Variants in GALNT11 observed in about 807,000 individuals in gnomAD.
GALNT11 encodes polypeptide N-acetylgalactosaminyltransferase 11.
A neutral mutation model predicts 72.7 loss-of-function variants in GALNT11; 47 were observed. That is an observed-to-expected ratio of 0.65 (90% CI 0.51 to 0.82). The LOEUF (loss-of-function observed/expected upper bound fraction) is 0.82. Ranked by LOEUF, GALNT11 falls within the 40% of genes least tolerant of loss-of-function variation. The pLI is 0.00. For synonymous variants in GALNT11, 270 were observed against 286.6 expected, an observed-to-expected ratio of 0.94 and a Z score of 0.58; for missense variants, 677 against 778.4, an observed-to-expected ratio of 0.87 and a Z score of 1.55.
intron 1 of GALNT11, among the ~76,000 whole-genome samples, chr7:152,028,987 C>A (rs1269002077): frequency 1.3e-5 from 2 of 152,160 alleles, no homozygotes; most frequent in Non-Finnish European, 2.9e-5. Flanking sequence ...AAGATGGCTG[C>A]CACAGGACCT....
At chr7:152,041,629 G>A (rs544280579) in intron 1 of GALNT11, among the ~76,000 whole-genome samples, 95 of 152,292 alleles carry the variant, frequency 6.2e-4, no homozygotes, top group African/African-American at 2.3e-3. Flanking sequence ...TTCTATTTGA[G>A]CTTTATGGAC....
chr7:152,117,319 C>A lies in GALNT11; in HGVS notation c.1396C>A (p.Gln466Lys), dbSNP rs2088959385. The A allele has an allele frequency of 6.2e-7, 1 of 1,614,176 alleles. No homozygotes were observed. ...QISGSHAKPQ[Q>K]PIFVNRGPKR... The stretch of plus-strand genomic sequence containing the variant: ...ATCTGGGTCCCACGCCAAACCCCAA[C>A]AACCCATTTTTGTCAATAGAGGGCC... The change falls in exon 9 of 12, where the codon CAA becomes AAA. Residue 466 changes from glutamine (Q) to lysine (K), a missense_variant. Physicochemically the swap from Gln to Lys is moderately conservative, Grantham distance 53 (BLOSUM62 1). Transcript: ENST00000430044.
At chr7:152,116,000 G>A (rs182578969) in intron 8 of GALNT11, among the ~76,000 whole-genome samples, 1 of 152,266 alleles carries the variant, frequency 6.6e-6, no homozygotes, top group Admixed American at 6.5e-5. Context: ...AGGTTGTGGT[G>A]TGCCGAGATC....
intron 10 of GALNT11, 119 bp downstream of exon 10, chr7:152,118,901 T>C (rs2089153405): frequency 2.8e-6 from 2 of 718,556 alleles, no homozygotes; most frequent in African/African-American, 3.7e-5. Context: ...TCTTAACCCA[T>C]TTCTGTGTAG....
intron 1 of GALNT11, among the ~76,000 whole-genome samples, chr7:152,058,049 A>G (rs373350579): frequency 7.2e-5 from 11 of 152,166 alleles, no homozygotes; most frequent in African/African-American, 2.7e-4. Context: ...AGCCACTGCA[A>G]TAAAGGGACT....
At chr7:152,063,147 G>C (rs781716698) in intron 1 of GALNT11, among the ~76,000 whole-genome samples, 1 of 152,184 alleles carries the variant, frequency 6.6e-6, no homozygotes. Context: ...TTCAGAGCCT[G>C]TTATTTTCCT....
intron 1 of GALNT11, among the ~76,000 whole-genome samples, chr7:152,089,255 G>A (rs2085849872): frequency 6.6e-6 from 1 of 152,158 alleles, no homozygotes; most frequent in South Asian, 2.1e-4. Context: ...TCACAAGCCT[G>A]GGTAGGATCT....
chr7:152,063,204 G>A (rs1048429239), intron 1 of GALNT11, among the ~76,000 whole-genome samples: 1 of 152,188 alleles, frequency 6.6e-6, no homozygotes, highest in Admixed American at 6.5e-5. Flanking sequence ...GAGGGTGTAT[G>A]TGTCCAGGAA....
chr7:152,060,919 T>C (rs2083972432), intron 1 of GALNT11, among the ~76,000 whole-genome samples: 1 of 152,214 alleles, frequency 6.6e-6, no homozygotes, highest in South Asian at 2.1e-4. Flanking sequence ...TTGTGAATAG[T>C]GACACAATAA....
At chr7:152,071,298 T>C (rs1384454309) in intron 1 of GALNT11, among the ~76,000 whole-genome samples, 1 of 152,196 alleles carries the variant, frequency 6.6e-6, no homozygotes, top group Non-Finnish European at 1.5e-5. Flanking sequence ...GGGTGCTGTT[T>C]ATAAGCGTAT....
In GALNT11 at chr7:152,113,712, C is replaced by CT. The variant is rs6150397; in HGVS notation, c.1233+356dup. On this transcript the variant is annotated intron_variant, in intron 8 of 11. Coordinates refer to ENST00000430044, the MANE Select transcript of GALNT11 (RefSeq NM_022087.4). Reference sequence around the variant, plus strand: ...TGTGACGCCTGCAAAAGTTGGCTTTCTTTTTTTTTTTTTTTTTTTTTTTTT... The same window carrying CT: ...TGTGACGCCTGCAAAAGTTGGCTTTCTTTTTTTTTTTTTTTTTTTTTTTTTT... 6.2e-4 allele frequency among the ~76,000 whole-genome samples: 60 copies of CT among 97,016 alleles called. 4 individuals are homozygous for CT. The highest frequency in any genetic ancestry group is 7.5e-4 in the Non-Finnish European group (37 of 49,510). 63.6% of individuals were successfully genotyped at this position (97,016 alleles called of 152,430 possible).
chr7:152,094,076 C>G lies in GALNT11; in HGVS notation c.-38-114C>G, dbSNP rs931469266. 4.9e-6 allele frequency: 4 copies of G among 822,002 alleles called. No homozygotes were observed. The highest frequency in any genetic ancestry group is 1.7e-5 in the African/African-American group (1 of 58,514). The allele number at this position is 822,002 out of a possible 1,614,324, so 50.9% of individuals were successfully genotyped here. On this transcript the variant is annotated intron_variant, in intron 1 of 11. Coordinates refer to ENST00000430044, the MANE Select transcript of GALNT11 (RefSeq NM_022087.4). The surrounding 1 kb of genome is among the most constrained non-coding windows in gnomAD (Gnocchi z 4.3). Reference sequence around the variant, plus strand: ...ATACATCTTCTTGTATTTGAATATCCGTTAACTGTACGCATAGTGGTCCTA... The same window carrying G: ...ATACATCTTCTTGTATTTGAATATCGGTTAACTGTACGCATAGTGGTCCTA...
chr7:152,118,223 T>C (rs1400866993), intron 9 of GALNT11: 1 of 178,050 alleles, frequency 5.6e-6, no homozygotes, highest in Non-Finnish European at 1.2e-5. Context: ...CTTACCATTA[T>C]TATTTCTTGC....
chr7:152,111,855 C>T (rs919269737), intron 7 of GALNT11, among the ~76,000 whole-genome samples: 1 of 152,134 alleles, frequency 6.6e-6, no homozygotes, highest in Admixed American at 6.6e-5. Context: ...AAATAAATAG[C>T]TTCCCATTGT....
At chr7:152,057,346 GC>G (rs1358826357) in intron 1 of GALNT11, among the ~76,000 whole-genome samples, 2 of 135,914 alleles carry the variant, frequency 1.5e-5, no homozygotes, top group Admixed American at 7.8e-5. Flanking sequence ...TCACTCTGTT[GC>G]CCAGGCTGGA....
At chr7:152,087,792 G>T (rs917188530) in intron 1 of GALNT11, among the ~76,000 whole-genome samples, 3 of 152,160 alleles carry the variant, frequency 2.0e-5, no homozygotes, top group African/African-American at 7.2e-5. Flanking sequence ...CATTGTATCT[G>T]ACACTTTACA....
intron 1 of GALNT11, among the ~76,000 whole-genome samples, chr7:152,034,175 C>T (rs569825820): frequency 2.6e-5 from 4 of 152,242 alleles, no homozygotes; most frequent in African/African-American, 9.6e-5. Flanking sequence ...TTATTTCCTT[C>T]TGGGCAGGGG....
At chr7:152,112,820 A>G (rs1044511029) in intron 7 of GALNT11, among the ~76,000 whole-genome samples, 6 of 152,076 alleles carry the variant, frequency 3.9e-5, no homozygotes, top group Non-Finnish European at 8.8e-5. Flanking sequence ...CCAAAAAAGA[A>G]TATGCATTGT....
intron 1 of GALNT11, among the ~76,000 whole-genome samples, chr7:152,063,945 G>C (rs2084161068): frequency 6.6e-6 from 1 of 152,140 alleles, no homozygotes; most frequent in Non-Finnish European, 1.5e-5. Flanking sequence ...GTTGATTTTG[G>C]GTAGAGAGTT....
Sources: allele counts gnomAD v4.1 joint callset (sites outside exome capture counted in the v4.1 genomes callset), GRCh38; gene constraint gnomAD v4.1.1; non-coding constraint Gnocchi (gnomAD v3.1); transcripts MANE v1.5; gene names NCBI Gene and HGNC (gene_info 2026-07-23, HGNC 2026-07-21).